The following MCF2L variants were observed in gnomAD, a reference collection of about 807,000 sequenced individuals.
MCF2L encodes the protein MCF.2 cell line derived transforming sequence like.
In MCF2L, 97 loss-of-function variants were observed where a neutral mutation model predicts 153.4. The ratio of observed to expected loss-of-function variants is 0.63; its 90% CI spans 0.54 to 0.75. The LOEUF (loss-of-function observed/expected upper bound fraction) is 0.75. Among genes scored for constraint, MCF2L ranks in the 30% least tolerant of loss-of-function variants. The pLI is 0.00. For missense variants in MCF2L, 1,347 were observed against 1,495.2 expected (o/e 0.90, Z 1.64); for synonymous variants, 659 against 632.2 (o/e 1.04, Z -0.64).
intron 8 of MCF2L, among the ~76,000 whole-genome samples, chr13:113,067,134 C>T (rs577188969): frequency 9.2e-5 from 14 of 152,268 alleles, no homozygotes; most frequent in Admixed American, 7.8e-4. Flanking sequence ...TGTAAAGTGA[C>T]GCTGATCCGT....
chr13:113,025,226 C>T (rs112248232), intron 3 of MCF2L, among the ~76,000 whole-genome samples: 15 of 85,826 alleles, frequency 1.7e-4, no homozygotes, highest in African/African-American at 3.2e-4. Flanking sequence ...GACTGTGGGT[C>T]GGGGCAGAGT....
intron 2 of MCF2L, among the ~76,000 whole-genome samples, chr13:112,921,050 G>A (rs942046176): frequency 3.3e-5 from 5 of 151,776 alleles, no homozygotes; most frequent in African/African-American, 4.8e-5. Context: ...GGTGGCGGGC[G>A]CCTGTAGTCC....
chr13:112,917,102 A>G (rs1303916100), intron 2 of MCF2L: 10 of 470,988 alleles, frequency 2.1e-5, no homozygotes, highest in Admixed American at 2.1e-4. Context: ...TGATCTCTCC[A>G]TCTGTACTCA....
chr13:113,017,013 C>G (rs2084569357), intron 2 of MCF2L, among the ~76,000 whole-genome samples: 1 of 152,216 alleles, frequency 6.6e-6, no homozygotes, highest in Admixed American at 6.5e-5. Context: ...ACGCTGTTCT[C>G]AGGATCCAGG....
rs1272766950 is a variant in MCF2L, at chr13:113,089,592, T to C, written c.2835-18T>C. On this transcript the variant is annotated intron_variant, in intron 25 of 29. Coordinates refer to ENST00000535094, the MANE Select transcript of MCF2L (RefSeq NM_001112732.3). ...AGGCAACACACTATTTCCTTTTTGA[T>C]TTGTCTGATGTCATCAGTCCCTCAA... 6.5e-7 allele frequency: 1 copy of C among 1,535,520 alleles called. No individual in the cohort carries two copies. Among genetic ancestry groups the C allele is most frequent in the South Asian group, 1.1e-5 (1 of 88,848 alleles).
chr13:112,894,378 A>T (rs1005062344), exon 1 of MCF2L: 1 of 147,610 alleles, frequency 6.8e-6, no homozygotes, highest in Non-Finnish European at 1.5e-5. Context: ...ACGCGCGGAC[A>T]CCTGCGGGGC....
At chr13:112,962,179 A>G (rs2081837596) in intron 2 of MCF2L, among the ~76,000 whole-genome samples, 1 of 150,822 alleles carries the variant, frequency 6.6e-6, no homozygotes, top group African/African-American at 2.5e-5. Context: ...ACAGATGCAC[A>G]CACACGCATG....
At position 113,077,067 on chromosome 13, in the gene MCF2L, G is replaced by A; in HGVS notation, c.1516G>A (p.Val506Ile). The change falls in exon 13 of 30, where the codon GTC becomes ATC. Residue 506 changes from valine to isoleucine, a missense_variant. Transcript: ENST00000535094. ...NQDLMEHVRKVFQKQASMEEV... is the reference protein window; with the variant it reads ...NQDLMEHVRKIFQKQASMEEV... ...GCGGTTTCAGGAGCACGTGCGAAAG[G>A]TCTTCCAGAAGCAGGCAAGCATGGA... 1 of 1,612,220 alleles carries A rather than the reference G, an allele frequency of 6.2e-7. No individual in the cohort carries two copies. Among genetic ancestry groups the A allele is most frequent in the Non-Finnish European group, 8.5e-7 (1 of 1,179,348 alleles).
intron 2 of MCF2L, among the ~76,000 whole-genome samples, chr13:112,945,952 G>T (rs1187778489): frequency 6.6e-6 from 1 of 152,070 alleles, no homozygotes; most frequent in Non-Finnish European, 1.5e-5. Flanking sequence ...CTTCCATGTG[G>T]CTTCAGACAG....
intron 3 of MCF2L, 48 bp downstream of exon 3, chr13:113,024,806 C>A (rs375487604): frequency 4.1e-5 from 59 of 1,454,780 alleles, no homozygotes; most frequent in Non-Finnish European, 5.6e-5. Context: ...GGGCAGAGTC[C>A]CTGTGAGATT....
upstream of MCF2L, chr13:112,967,595 T>C (rs1036247902): frequency 6.6e-5 from 10 of 152,316 alleles, no homozygotes; most frequent in African/African-American, 2.2e-4. Flanking sequence ...CTATAAGGCC[T>C]GTAGGCACTA....
chr13:112,934,122 G>A (rs1333279812), intron 2 of MCF2L, among the ~76,000 whole-genome samples: 1 of 152,270 alleles, frequency 6.6e-6, no homozygotes, highest in Admixed American at 6.5e-5. Flanking sequence ...GCCAGGATCT[G>A]GCCATTCACT....
chr13:112,946,284 A>AT (rs989965963), intron 2 of MCF2L, among the ~76,000 whole-genome samples: 46 of 123,974 alleles, frequency 3.7e-4, no homozygotes, highest in African/African-American at 1.1e-3. Flanking sequence ...TCCCTTTCTG[A>AT]TAAAAAAAAA....
chr13:113,017,161 C>A (rs1202223567), intron 2 of MCF2L, among the ~76,000 whole-genome samples: 1 of 152,372 alleles, frequency 6.6e-6, no homozygotes, highest in African/African-American at 2.4e-5. Flanking sequence ...CTCACCACGT[C>A]CAGCACTGCT....
At chr13:112,996,585 C>T (rs758107605) in intron 1 of MCF2L, among the ~76,000 whole-genome samples, 12 of 152,336 alleles carry the variant, frequency 7.9e-5, no homozygotes, top group Non-Finnish European at 1.8e-4. Flanking sequence ...CTTCAGAGGC[C>T]CTGCGTCTCC....
chr13:112,962,851 T>G (rs1488054800), intron 2 of MCF2L, among the ~76,000 whole-genome samples: 1 of 152,154 alleles, frequency 6.6e-6, no homozygotes, highest in Non-Finnish European at 1.5e-5. Flanking sequence ...CTCAACACAG[T>G]AGTTTGCTGA....
chr13:113,081,301 G>A (rs368131306), intron 16 of MCF2L, 22 bp downstream of exon 16: 6 of 1,567,958 alleles, frequency 3.8e-6, no homozygotes, highest in Non-Finnish European at 2.6e-6. Flanking sequence ...CTCGGGGAGG[G>A]CCGACTGCCA....
At chr13:112,903,660 T>A (rs2081141387) in intron 2 of MCF2L, among the ~76,000 whole-genome samples, 2 of 152,298 alleles carry the variant, frequency 1.3e-5, no homozygotes, top group South Asian at 4.1e-4. Context: ...GGTATGTGCT[T>A]AGTTCTGCGG....
chr13:113,025,616 C>T (rs111926134), intron 3 of MCF2L, among the ~76,000 whole-genome samples: 17 of 106,524 alleles, frequency 1.6e-4, no homozygotes, highest in Admixed American at 5.9e-4. Context: ...GGGCAGAGTC[C>T]CTGTGAGGTT....
Sources: allele counts gnomAD v4.1 joint callset (sites outside exome capture counted in the v4.1 genomes callset), GRCh38; gene constraint gnomAD v4.1.1; transcripts MANE v1.5; gene names NCBI Gene and HGNC (gene_info 2026-07-23, HGNC 2026-07-21).